The following RAPGEF6 variants were observed in gnomAD, a reference collection of about 807,000 sequenced individuals.
RAPGEF6 encodes PDZ domain containing guanine nucleotide exchange factor (GEF) 2.
Under a neutral mutation model 171.4 loss-of-function variants are expected in RAPGEF6, and 56 were observed. The observed-to-expected ratio is 0.33, with a 90% CI of 0.26 to 0.41. RAPGEF6 has a LOEUF of 0.41. Among genes scored for constraint, RAPGEF6 ranks in the 10% least tolerant of loss-of-function variants. The pLI is 1.00. For missense variants in RAPGEF6, 1,674 were observed against 1,921.4 expected (o/e 0.87, Z 2.41); for synonymous variants, 692 against 650.1 (o/e 1.06, Z -0.98).
In RAPGEF6 at chr5:131,472,648, T is replaced by C. The variant is rs773139975; in HGVS notation, c.2178A>G (p.Ser726=). The change falls in exon 17 of 28, where the codon TCA becomes TCG. Residue 726 remains serine, a synonymous_variant. Transcript: ENST00000509018. ...GCTGCAGGAGATCAGGGCTGCTGGA[T>C]GAGAGTGTTCCAGGGATGGGCATTA... ...LAIMPIPGTL[S]SSSPDLLQPT... 2 of 1,612,110 alleles carry C rather than the reference T, an allele frequency of 1.2e-6. 1 individual carries two copies. The highest frequency in any genetic ancestry group is 2.2e-5 in the South Asian group (2 of 91,042).
chr5:131,618,795 T>TTA (rs1205964308), intron 1 of RAPGEF6, among the ~76,000 whole-genome samples: 1 of 152,080 alleles, frequency 6.6e-6, no homozygotes, highest in Non-Finnish European at 1.5e-5. Flanking sequence ...CACTTATAAA[T>TTA]TATAGCATTG....
Position 131,432,490 on chromosome 5 carries a change from C to T in RAPGEF6, c.3974+940G>A, listed in dbSNP as rs376819020. Among the ~76,000 whole-genome samples the T allele has an allele frequency of 2.1e-3, 325 of 152,088 alleles. 1 individual carries two copies. Among genetic ancestry groups the T allele is most frequent in the African/African-American group, 7.1e-3 (296 of 41,494 alleles). ...AAAATTAGCCGGGCGTGGTGGTGGG[C>T]GCCTGTAGTCCCAGCTACTCGGGAG... is the stretch of plus-strand genomic sequence containing the variant. On this transcript the variant is annotated intron_variant, in intron 25 of 27. Transcript: ENST00000509018.
chr5:131,516,046 C>CTTTTTTT (rs778377620), intron 7 of RAPGEF6, among the ~76,000 whole-genome samples: 2 of 38,514 alleles, frequency 5.2e-5, no homozygotes, highest in Admixed American at 3.7e-4. Flanking sequence ...AGATGATATC[C>CTTTTTTT]TTTTTTTTTT....
chr5:131,504,554 G>A (rs572591653), intron 11 of RAPGEF6, 72 bp downstream of exon 11: 17 of 1,392,538 alleles, frequency 1.2e-5, no homozygotes, highest in Non-Finnish European at 1.6e-5. Context: ...CTTAAAAAAT[G>A]GTTTAAAACA....
intron 16 of RAPGEF6, among the ~76,000 whole-genome samples, chr5:131,477,189 A>T (rs1755159457): frequency 6.6e-6 from 1 of 152,202 alleles, no homozygotes; most frequent in Non-Finnish European, 1.5e-5. Flanking sequence ...CATTCTCCGA[A>T]ATGCAAAAAG....
At chr5:131,514,561 G>A (rs1757951925) in intron 7 of RAPGEF6, among the ~76,000 whole-genome samples, 1 of 151,954 alleles carries the variant, frequency 6.6e-6, no homozygotes, top group African/African-American at 2.4e-5. Flanking sequence ...GAAAGTAAGA[G>A]ACAAGAACTT....
chr5:131,570,364 A>G (rs1762204914), intron 4 of RAPGEF6, among the ~76,000 whole-genome samples: 1 of 152,220 alleles, frequency 6.6e-6, no homozygotes, highest in Admixed American at 6.5e-5. Flanking sequence ...GTCAGAATGT[A>G]AAATGGTACA....
chr5:131,555,445 TCC>T (rs2149958960), intron 5 of RAPGEF6, among the ~76,000 whole-genome samples: 1 of 152,248 alleles, frequency 6.6e-6, no homozygotes, highest in African/African-American at 2.4e-5. Flanking sequence ...TGCTGACATT[TCC>T]TACTGACATT....
intron 1 of RAPGEF6, among the ~76,000 whole-genome samples, chr5:131,630,352 A>G (rs542288178): frequency 1.3e-5 from 2 of 152,332 alleles, no homozygotes; most frequent in East Asian, 1.9e-4. Flanking sequence ...ATAAACTACT[A>G]TATGTGTAAA....
chr5:131,450,387 G>A (rs1268989448), intron 21 of RAPGEF6, among the ~76,000 whole-genome samples: 2 of 152,174 alleles, frequency 1.3e-5, no homozygotes, highest in Admixed American at 1.3e-4. Context: ...AAGTTTTTAA[G>A]GGAAAAGACC....
intron 17 of RAPGEF6, among the ~76,000 whole-genome samples, chr5:131,468,200 C>T (rs748787989): frequency 2.3e-4 from 35 of 150,386 alleles, no homozygotes; most frequent in Non-Finnish European, 4.6e-4. Flanking sequence ...GGCGTGGTGG[C>T]GGGCACCTAT....
intron 1 of RAPGEF6, among the ~76,000 whole-genome samples, chr5:131,630,922 CA>C (rs1766266152): frequency 6.6e-6 from 1 of 152,178 alleles, no homozygotes; most frequent in East Asian, 1.9e-4. Context: ...AAAAATAAGC[CA>C]AACAAATAAT....
intron 6 of RAPGEF6, chr5:131,533,167 CAT>C (rs1305522647): frequency 2.0e-4 from 23 of 114,636 alleles, no homozygotes; most frequent in Non-Finnish European, 3.2e-4. Context: ...TTATTGAAAA[CAT>C]ACACACACAC....
chr5:131,476,350 C>T (rs1755089704), intron 16 of RAPGEF6, among the ~76,000 whole-genome samples: 2 of 152,200 alleles, frequency 1.3e-5, no homozygotes, highest in African/African-American at 2.4e-5. Flanking sequence ...CTCTGTGAGG[C>T]TGAGGCGCGT....
At chr5:131,556,045 A>G (rs774921986) in intron 5 of RAPGEF6, among the ~76,000 whole-genome samples, 11 of 152,220 alleles carry the variant, frequency 7.2e-5, no homozygotes, top group Non-Finnish European at 1.3e-4. Context: ...GAAACACAGA[A>G]AAGGTACAGT....
intron 1 of RAPGEF6, among the ~76,000 whole-genome samples, chr5:131,630,476 C>G (rs184819153): frequency 1.9e-4 from 29 of 152,236 alleles, no homozygotes; most frequent in African/African-American, 6.5e-4. Flanking sequence ...ATGTCTGTAC[C>G]TTAACAGTTT....
intron 6 of RAPGEF6, among the ~76,000 whole-genome samples, chr5:131,539,829 A>G (rs1043183487): frequency 1.3e-5 from 2 of 152,252 alleles, no homozygotes; most frequent in Admixed American, 6.5e-5. Context: ...TCAGAGAAGT[A>G]GCAATGAGAA....
chr5:131,514,810 G>A (rs1325492225), intron 7 of RAPGEF6, among the ~76,000 whole-genome samples: 1 of 152,110 alleles, frequency 6.6e-6, no homozygotes, highest in Non-Finnish European at 1.5e-5. Context: ...CTCCGTATTC[G>A]TGAAGGTAGG....
intron 6 of RAPGEF6, among the ~76,000 whole-genome samples, chr5:131,539,145 C>T (rs1375372341): frequency 6.6e-6 from 1 of 152,152 alleles, no homozygotes; most frequent in East Asian, 1.9e-4. Flanking sequence ...TCAGCATTCA[C>T]TGTCTTATAT....
Sources: gnomAD v4.1 joint callset for allele counts (sites outside exome capture counted in the v4.1 genomes callset) on GRCh38, gnomAD v4.1.1 for gene constraint, MANE v1.5 for transcripts, NCBI Gene and HGNC (gene_info 2026-07-23, HGNC 2026-07-21) for gene names.